Variants in BCO1 observed in about 807,000 individuals in gnomAD.
BCO1 encodes the protein beta,beta-carotene 15,15'-dioxygenase.
BCO1 carries 54 observed loss-of-function variants against 56.3 expected under a neutral mutation model. The observed-to-expected ratio is 0.96, with a 90% confidence interval of 0.77 to 1.20. BCO1 has a LOEUF of 1.20. BCO1 is among the 50% of genes most tolerant of loss of function. The probability of loss-of-function intolerance (pLI) is 0.00; values close to 1 mark genes in which losing one functional copy is unlikely to be tolerated. For synonymous variants in BCO1, 318 were observed against 266.1 expected, an observed-to-expected ratio of 1.20 and a Z score of -1.90; for missense variants, 801 against 690.9, an observed-to-expected ratio of 1.16 and a Z score of -1.79.
rs1041279984 is a variant in BCO1 at position 81,251,854 on chromosome 16, A to G, written c.193+6251A>G. Among the ~76,000 whole-genome samples the G allele has an allele frequency of 1.3e-4, 17 of 130,280 alleles. No individual in the cohort carries two copies. In the South Asian group the frequency reaches 1.6e-3, roughly 12 times the overall value. 85.5% of individuals were successfully genotyped at this position (130,280 alleles called of 152,430 possible). A position where few individuals can be genotyped will look rare whatever the true frequency, so the allele number is the denominator to read the frequency against. The stretch of plus-strand genomic sequence containing the variant: ...TATACCCACACACACACACACACGC[A>G]CACACACACACACACATATATGTGT... On this transcript the variant is annotated intron_variant, in intron 2 of 10. Transcript: ENST00000258168.
intron 7 of BCO1, 135 bp downstream of exon 7, chr16:81,270,551 T>C: frequency 8.2e-7 from 1 of 1,214,182 alleles, no homozygotes; most frequent in Non-Finnish European, 1.1e-6. Flanking sequence ...TTTCATTGTT[T>C]TTCCCAAAGT....
intron 6 of BCO1, among the ~76,000 whole-genome samples, chr16:81,269,603 G>A (rs1401326447): frequency 6.6e-6 from 1 of 152,170 alleles, no homozygotes; most frequent in African/African-American, 2.4e-5. Flanking sequence ...GAGTAGTTGG[G>A]ATTACAGGCA....
At chr16:81,268,649 G>T (rs1038701340) in intron 6 of BCO1, among the ~76,000 whole-genome samples, 1 of 152,180 alleles carries the variant, frequency 6.6e-6, no homozygotes, top group Admixed American at 6.5e-5. Context: ...TTGCATGCTT[G>T]TATATGCACA....
chr16:81,239,275 C>T (rs768912003), intron 1 of BCO1, among the ~76,000 whole-genome samples: 4 of 152,022 alleles, frequency 2.6e-5, no homozygotes, highest in Admixed American at 1.3e-4. Flanking sequence ...CCTCGGCCTC[C>T]GAAAGTGCTA....
rs768116413 is a variant in BCO1, at chr16:81,280,310, TACACACAC to T, written c.1102-541_1102-534del. Among the ~76,000 whole-genome samples, 97 of 26,686 alleles carry T rather than the reference TACACACAC, an allele frequency of 3.6e-3. 1 individual carries two copies. The highest frequency in any genetic ancestry group is 7.6e-3 in the African/African-American group (93 of 12,310). The allele number at this position is 26,686 out of a possible 152,430, so 17.5% of individuals were successfully genotyped here. ...AAAAAAAAAAAAAAAAAAAAAAAATTACACACACACACAGACACACACACACACACACA... is the reference window on the plus strand; with the variant it reads ...AAAAAAAAAAAAAAAAAAAAAAAATTACACAGACACACACACACACACACA... On this transcript the variant is annotated intron_variant, in intron 7 of 10. Coordinates refer to ENST00000258168, the MANE Select transcript of BCO1 (RefSeq NM_017429.3).
chr16:81,246,579 A>C lies in BCO1; in HGVS notation c.193+976A>C, dbSNP rs898862067. Among the ~76,000 whole-genome samples, 10 of 151,002 alleles carry C rather than the reference A, an allele frequency of 6.6e-5. No individual in the cohort carries two copies. The East Asian group carries it at 2.0e-3, about 30-fold the overall frequency. On this transcript the variant is annotated intron_variant, in intron 2 of 10. Transcript: ENST00000258168. The stretch of plus-strand genomic sequence containing the variant: ...ATGGACAGAGCTGGTAGCTGGGCGC[A>C]GTGGCTCATGCCTGTAATTCCATCA...
chr16:81,249,562 AG>A (rs1905658757), intron 2 of BCO1, among the ~76,000 whole-genome samples: 1 of 150,778 alleles, frequency 6.6e-6, no homozygotes, highest in African/African-American at 2.4e-5. Flanking sequence ...GGCCCCGGCT[AG>A]GTTTTTTTGT....
intron 3 of BCO1, among the ~76,000 whole-genome samples, chr16:81,261,772 C>T (rs1015271241): frequency 6.6e-6 from 1 of 151,666 alleles, no homozygotes; most frequent in Non-Finnish European, 1.5e-5. Context: ...GACAGAGTCT[C>T]GCTCTTTCGC....
At chr16:81,256,215 G>A (rs776905061) in intron 2 of BCO1, among the ~76,000 whole-genome samples, 22 of 151,940 alleles carry the variant, frequency 1.4e-4, no homozygotes, top group Non-Finnish European at 2.5e-4. Flanking sequence ...CAAGTGCCCA[G>A]CACAGTGTTT....
At chr16:81,262,396 C>CTA in intron 4 of BCO1, 113 bp downstream of exon 4, 2 of 1,169,352 alleles carry the variant, frequency 1.7e-6, no homozygotes, top group Non-Finnish European at 2.5e-6. Context: ...AGCCCCTCCT[C>CTA]TAACACCGTT....
In BCO1 at chr16:81,238,767, G is replaced by C. The variant is rs758165288; in HGVS notation, c.-142G>C. Reference sequence around the variant, plus strand: ...AAAAGGAAAAAGCAAAGGCAGAAACGGCATCAGGAGAGACAGAGATGTGAA... The same window carrying C: ...AAAAGGAAAAAGCAAAGGCAGAAACCGCATCAGGAGAGACAGAGATGTGAA... On this transcript the variant is annotated 5_prime_UTR_variant, in exon 1 of 11. Transcript: ENST00000258168. 71 of 767,304 alleles carry C rather than the reference G, an allele frequency of 9.3e-5. 1 individual carries two copies. Among genetic ancestry groups the C allele is most frequent in the Middle Eastern group, 2.9e-4 (1 of 3,432 alleles). 47.5% of individuals were successfully genotyped at this position (767,304 alleles called of 1,614,324 possible).
At chr16:81,252,053 T>A (rs548248272) in intron 2 of BCO1, among the ~76,000 whole-genome samples, 2 of 152,114 alleles carry the variant, frequency 1.3e-5, no homozygotes, top group South Asian at 4.2e-4. Context: ...TGGAGGCTCC[T>A]TCTGTAATCT....
intron 2 of BCO1, among the ~76,000 whole-genome samples, chr16:81,249,218 G>A (rs533652557): frequency 4.6e-5 from 7 of 151,520 alleles, no homozygotes; most frequent in East Asian, 2.0e-4. Context: ...AGCCTCCGGC[G>A]TAGCTAGGAT....
chr16:81,267,664 C>T (rs1906912025), intron 5 of BCO1, among the ~76,000 whole-genome samples: 1 of 152,112 alleles, frequency 6.6e-6, no homozygotes, highest in Non-Finnish European at 1.5e-5. Context: ...GTGAAGACCC[C>T]TTACCTGGAG....
chr16:81,284,804 T>TTTTTG (rs950085802), intron 8 of BCO1, among the ~76,000 whole-genome samples: 5 of 150,158 alleles, frequency 3.3e-5, no homozygotes, highest in Admixed American at 6.7e-5. Flanking sequence ...ATTTCTTTTC[T>TTTTTG]TTTTGTTTTG....
intron 3 of BCO1, 22 bp from the exon 4 acceptor site, chr16:81,262,114 G>T (rs369543338): frequency 1.7e-5 from 28 of 1,612,656 alleles, no homozygotes; most frequent in Non-Finnish European, 2.2e-5. Context: ...CACTGACTCT[G>T]TTGATTTGCT....
intron 9 of BCO1, among the ~76,000 whole-genome samples, chr16:81,286,142 C>A (rs1246573180): frequency 6.6e-6 from 1 of 152,120 alleles, no homozygotes; most frequent in African/African-American, 2.4e-5. Flanking sequence ...CCTGCCTCAG[C>A]CACCAAAAGT....
At chr16:81,285,778 T>C (rs756217656) in intron 9 of BCO1, 144 bp downstream of exon 9, 78 of 719,196 alleles carry the variant, frequency 1.1e-4, no homozygotes, top group Non-Finnish European at 1.7e-4. Flanking sequence ...GAAGTAAGGA[T>C]GTTCAGCTGG....
intron 10 of BCO1, among the ~76,000 whole-genome samples, chr16:81,288,000 C>G (rs574235021): frequency 6.6e-6 from 1 of 152,252 alleles, no homozygotes; most frequent in East Asian, 1.9e-4. Flanking sequence ...CCACACGGCA[C>G]AAGGCCCCAC....
Sources: allele counts gnomAD v4.1 joint callset (sites outside exome capture counted in the v4.1 genomes callset), GRCh38; gene constraint gnomAD v4.1.1; transcripts MANE v1.5; gene names NCBI Gene and HGNC (gene_info 2026-07-23, HGNC 2026-07-21).